Variants in GRK3 observed in about 807,000 individuals in gnomAD.
The protein encoded by GRK3 is G protein-coupled receptor kinase 3.
In GRK3, 54 loss-of-function variants were observed where a neutral mutation model predicts 95.7. The ratio of observed to expected loss-of-function variants is 0.56; its 90% CI spans 0.45 to 0.71. The LOEUF is 0.71. GRK3 is among the 30% of genes least tolerant of loss of function. The probability of loss-of-function intolerance (pLI) is 0.00; values close to 1 mark genes in which losing one functional copy is unlikely to be tolerated. For missense variants in GRK3, 649 were observed against 851.2 expected (o/e 0.76, Z 2.96); for synonymous variants, 281 against 290.8 (o/e 0.97, Z 0.34).
Position 25,711,049 on chromosome 22 carries a change from G to C in GRK3, c.1396-19G>C. ...TACGATCATCTGAAAACTGTACCAT[G>C]CTTGTTTGGATCTTCCAGTACCCAC... On this transcript the variant is annotated intron_variant, in intron 16 of 20. Coordinates refer to ENST00000324198, the MANE Select transcript of GRK3 (RefSeq NM_005160.4). The C allele has an allele frequency of 6.5e-7, 1 of 1,548,470 alleles. No homozygotes were observed. Among genetic ancestry groups the C allele is most frequent in the Admixed American group, 1.7e-5 (1 of 57,848 alleles).
At chr22:25,571,814 C>T (rs532371528) in intron 1 of GRK3, among the ~76,000 whole-genome samples, 3 of 152,164 alleles carry the variant, frequency 2.0e-5, no homozygotes, top group Non-Finnish European at 2.9e-5. Context: ...TATTGTGGTA[C>T]TGTGTGTCTA....
At chr22:25,722,118 T>G (rs2085437061) in intron 20 of GRK3, among the ~76,000 whole-genome samples, 171 bp from the exon 21 acceptor site, 1 of 152,170 alleles carries the variant, frequency 6.6e-6, no homozygotes, top group Non-Finnish European at 1.5e-5. Flanking sequence ...TTCAAGAGAT[T>G]CTGGAGAAGG....
intron 3 of GRK3, among the ~76,000 whole-genome samples, chr22:25,652,855 G>T (rs1355273162): frequency 6.6e-6 from 1 of 152,034 alleles, no homozygotes; most frequent in African/African-American, 2.4e-5. Flanking sequence ...ACTTACCATT[G>T]TGTTACAGTT....
intron 9 of GRK3, among the ~76,000 whole-genome samples, chr22:25,679,582 A>C (rs904825135): frequency 6.6e-6 from 1 of 152,250 alleles, no homozygotes; most frequent in South Asian, 2.1e-4. Flanking sequence ...GGTATTACCC[A>C]AGATCAAAAC....
At chr22:25,653,922 C>T (rs1461378006) in intron 3 of GRK3, among the ~76,000 whole-genome samples, 1 of 152,102 alleles carries the variant, frequency 6.6e-6, no homozygotes, top group Non-Finnish European at 1.5e-5. Flanking sequence ...CTCCTGACCT[C>T]GTAATCGGCC....
chr22:25,629,858 C>T (rs1037468767), intron 2 of GRK3, among the ~76,000 whole-genome samples: 54 of 152,160 alleles, frequency 3.5e-4, no homozygotes, highest in African/African-American at 1.1e-3. Context: ...TTGCTGTCAT[C>T]TAAGGAAGGA....
In GRK3 at chr22:25,661,606, G is replaced by A; in HGVS notation, c.295G>A (p.Glu99Lys). Residue 99 changes from glutamate (E) to lysine (K), a missense_variant, in exon 4 of 21, where the codon GAA becomes AAA. Around this residue, in one of 3 missense-constraint regions of GRK3, gnomAD observed 206 missense variants for 231.4 expected, o/e 0.89. Transcript: ENST00000324198. ...GGAATATGAAAAACTTGATAATGAGGAAGACCGCCTTTGCAGAAGTCGACA... is the reference window on the plus strand; with the variant it reads ...GGAATATGAAAAACTTGATAATGAGAAAGACCGCCTTTGCAGAAGTCGACA... ...IKEYEKLDNE[E>K]DRLCRSRQIY... is the part of the protein sequence containing the mutation. 1 of 1,612,890 alleles carries A rather than the reference G, an allele frequency of 6.2e-7. No homozygotes were observed. The highest frequency in any genetic ancestry group is 8.5e-7 in the Non-Finnish European group (1 of 1,179,280).
intron 1 of GRK3, among the ~76,000 whole-genome samples, chr22:25,591,215 G>A (rs1057299918): frequency 1.3e-5 from 2 of 152,170 alleles, no homozygotes; most frequent in Non-Finnish European, 2.9e-5. Flanking sequence ...CTTATGATTA[G>A]TTTTATTATG....
intron 9 of GRK3, among the ~76,000 whole-genome samples, chr22:25,682,437 T>C (rs1361532893): frequency 2.6e-5 from 4 of 152,142 alleles, no homozygotes; most frequent in Non-Finnish European, 5.9e-5. Context: ...AAAAATTCTT[T>C]GGGAAGCCTT....
At chr22:25,679,557 T>C (rs1364994776) in intron 9 of GRK3, among the ~76,000 whole-genome samples, 1 of 152,240 alleles carries the variant, frequency 6.6e-6, no homozygotes, top group Non-Finnish European at 1.5e-5. Context: ...CATTCCAATT[T>C]CTTTTTCTGT....
chr22:25,644,333 T>G (rs1197026162), intron 2 of GRK3, among the ~76,000 whole-genome samples: 3 of 151,972 alleles, frequency 2.0e-5, no homozygotes, highest in African/African-American at 7.3e-5. Context: ...GTATCATACT[T>G]TTGTGGAAAG....
At chr22:25,686,748 C>T (rs371167398) in intron 10 of GRK3, among the ~76,000 whole-genome samples, 18 of 152,206 alleles carry the variant, frequency 1.2e-4, no homozygotes, top group South Asian at 4.1e-4. Context: ...TTCCTGGGGA[C>T]ACCCACCACC....
intron 2 of GRK3, among the ~76,000 whole-genome samples, chr22:25,635,675 G>A (rs985032030): frequency 6.6e-6 from 1 of 152,138 alleles, no homozygotes; most frequent in Non-Finnish European, 1.5e-5. Context: ...ATAATGTTAC[G>A]TTGTCCCAAG....
Position 25,674,826 on chromosome 22 carries a change from A to G in GRK3, c.647+298A>G, listed in dbSNP as rs1045536016. On this transcript the variant is annotated intron_variant, in intron 8 of 20. Transcript: ENST00000324198. ...TAGCCGGGCGCAGTGGCGGGCGCCT[A>G]TAGTCCCAGCTACTCAGGAGGCTGA... 1.1e-4 allele frequency among the ~76,000 whole-genome samples: 16 copies of G among 152,174 alleles called. No homozygotes were observed. In the East Asian group the frequency reaches 2.1e-3, roughly 20 times the overall value.
At chr22:25,570,332 A>T (rs545642140) in intron 1 of GRK3, among the ~76,000 whole-genome samples, 58 of 152,264 alleles carry the variant, frequency 3.8e-4, no homozygotes, top group Non-Finnish European at 7.5e-4. Flanking sequence ...TCAAAACAGG[A>T]TTTCTACTGT....
In GRK3 at chr22:25,695,091, A is replaced by G. The variant is rs927246724; in HGVS notation, c.1053-16A>G. ...TGGGCATGCTCTGATAACTGTGTAT[A>G]CTTTCTTCTCCCTAGTGGCACCCAT... is the stretch of plus-strand genomic sequence containing the variant. On this transcript the variant is annotated splice_polypyrimidine_tract_variant and intron_variant, in intron 12 of 20. Transcript: ENST00000324198. 6.3e-6 allele frequency: 10 copies of G among 1,599,032 alleles called. No individual in the cohort carries two copies. The highest frequency in any genetic ancestry group is 5.5e-5 in the South Asian group (5 of 90,648).
chr22:25,654,512 G>C (rs981616189), intron 3 of GRK3, among the ~76,000 whole-genome samples: 1 of 152,176 alleles, frequency 6.6e-6, no homozygotes, highest in African/African-American at 2.4e-5. Context: ...AAAAACGTAA[G>C]CTAAATCCAA....
chr22:25,619,920 A>G (rs938395283), intron 2 of GRK3, among the ~76,000 whole-genome samples: 4 of 151,694 alleles, frequency 2.6e-5, no homozygotes, highest in African/African-American at 9.7e-5. Flanking sequence ...TCTCACAGAA[A>G]GTGGTTCCCT....
chr22:25,624,465 G>C (rs1026224295), intron 2 of GRK3, among the ~76,000 whole-genome samples: 2 of 152,094 alleles, frequency 1.3e-5, no homozygotes, highest in African/African-American at 4.8e-5. Flanking sequence ...CTGGGAGGCT[G>C]AATCAGGAGA....
Sources: gnomAD v4.1 joint callset for allele counts (sites outside exome capture counted in the v4.1 genomes callset) on GRCh38, gnomAD v4.1.1 for gene constraint, gnomAD v4.1.1 regional missense constraint, MANE v1.5 for transcripts, NCBI Gene and HGNC (gene_info 2026-07-23, HGNC 2026-07-21) for gene names.